PCDH11Y: variants seen among roughly 807,000 people sequenced by gnomAD.
PCDH11Y encodes protocadherin-11 Y-linked.
For missense variants in PCDH11Y, 12 were observed against 224.8 expected, an observed-to-expected ratio of 0.05 and a Z score of 6.05; for synonymous variants, 9 against 83.6, an observed-to-expected ratio of 0.11 and a Z score of 4.87.
intron 2 of PCDH11Y, among the ~76,000 whole-genome samples, chrY:5,453,113 C>A: frequency 3.0e-5 from 1 of 33,084 alleles, no homozygotes; most frequent in African/African-American, 1.2e-4. Context: ...GAAGGCATCA[C>A]CTTACCTGAC....
intron 2 of PCDH11Y, among the ~76,000 whole-genome samples, chrY:5,381,077 C>G: frequency 3.1e-5 from 1 of 32,274 alleles, no homozygotes; most frequent in African/African-American, 1.2e-4. Flanking sequence ...AGGGCCTCCC[C>G]TGTGACATTT....
At chrY:5,132,638 T>C in intron 2 of PCDH11Y, among the ~76,000 whole-genome samples, 1 of 32,554 alleles carries the variant, frequency 3.1e-5, no homozygotes, top group Non-Finnish European at 7.6e-5. Context: ...TCCTTTTGTT[T>C]GTTGATTGGT....
intron 2 of PCDH11Y, among the ~76,000 whole-genome samples, chrY:5,252,196 GTAGT>G (rs2053004887): frequency 3.8e-5 from 1 of 26,279 alleles, no homozygotes; most frequent in Non-Finnish European, 8.9e-5. Flanking sequence ...ATTATGCTTA[GTAGT>G]TAGTCCATGC....
At chrY:5,307,005 G>A in intron 2 of PCDH11Y, among the ~76,000 whole-genome samples, 1 of 33,096 alleles carries the variant, frequency 3.0e-5, no homozygotes, top group Admixed American at 2.8e-4. Flanking sequence ...TAGTGTGATA[G>A]GTTTTGCTCT....
At chrY:5,351,611 C>G (rs2124670300) in intron 2 of PCDH11Y, among the ~76,000 whole-genome samples, 1 of 30,049 alleles carries the variant, frequency 3.3e-5, no homozygotes, top group East Asian at 8.6e-4. Flanking sequence ...TCTTAATGAG[C>G]ATATCTAGTG....
intron 4 of PCDH11Y, among the ~76,000 whole-genome samples, chrY:5,624,173 T>G: frequency 3.1e-5 from 1 of 32,296 alleles, no homozygotes; most frequent in Non-Finnish European, 7.6e-5. Context: ...CAGCTTTTGC[T>G]CAATTAGTAT....
chrY:5,127,188 G>GTTT (rs2052826453), intron 2 of PCDH11Y, among the ~76,000 whole-genome samples: 1 of 30,686 alleles, frequency 3.3e-5, no homozygotes, highest in Non-Finnish European at 7.8e-5. Context: ...CTTTTTTGTT[G>GTTT]TTTATTATTA....
At chrY:5,389,046 G>T in intron 2 of PCDH11Y, among the ~76,000 whole-genome samples, 1 of 33,498 alleles carries the variant, frequency 3.0e-5, no homozygotes, top group East Asian at 7.9e-4. Flanking sequence ...ATAATGAGCT[G>T]ATTCTCTTTT....
At chrY:5,133,340 C>G in intron 2 of PCDH11Y, among the ~76,000 whole-genome samples, 1 of 30,640 alleles carries the variant, frequency 3.3e-5, no homozygotes, top group East Asian at 8.6e-4. Context: ...TAGTTCTATT[C>G]CCCTGTTATT....
At chrY:5,694,434 A>T (rs2053570255) in intron 4 of PCDH11Y, among the ~76,000 whole-genome samples, 1 of 32,610 alleles carries the variant, frequency 3.1e-5, no homozygotes, top group Non-Finnish European at 7.6e-5. Flanking sequence ...CATCTATGCC[A>T]ATCTGGTATT....
intron 4 of PCDH11Y, among the ~76,000 whole-genome samples, chrY:5,596,388 G>A: frequency 1.5e-4 from 5 of 32,388 alleles, no homozygotes. Context: ...GTGATGCAAC[G>A]AATTTATAAA....
At chrY:5,049,643 C>T (rs2124626691) in intron 3 of PCDH11Y, among the ~76,000 whole-genome samples, 1 of 29,136 alleles carries the variant, frequency 3.4e-5, no homozygotes, top group South Asian at 8.3e-4. Flanking sequence ...TCACTGCAAG[C>T]TCCGCCTCCC....
At chrY:5,407,688 C>T (rs1602920790) in intron 2 of PCDH11Y, among the ~76,000 whole-genome samples, 59 of 31,794 alleles carry the variant, frequency 1.9e-3, no homozygotes, top group South Asian at 6.4e-3. Flanking sequence ...CCAAGGCGGG[C>T]AGATCATGAG....
intron 1 of PCDH11Y, among the ~76,000 whole-genome samples, chrY:5,092,478 A>G: frequency 3.0e-5 from 1 of 33,284 alleles, no homozygotes; most frequent in Non-Finnish European, 7.5e-5. Context: ...TCTAAAAGGC[A>G]CCACAGTATT....
chrY:5,317,014 G>A (rs2053108203), intron 2 of PCDH11Y, among the ~76,000 whole-genome samples: 22 of 32,642 alleles, frequency 6.7e-4, no homozygotes, highest in African/African-American at 2.6e-3. Context: ...AACAGCCTCA[G>A]GAGGTCCTCA....
intron 2 of PCDH11Y, among the ~76,000 whole-genome samples, chrY:5,285,442 T>C (rs1325529275): frequency 0.026 from 856 of 33,414 alleles, no homozygotes; most frequent in Middle Eastern, 0.19. Flanking sequence ...CTGGGTTAAA[T>C]GGTAATTTTG....
chrY:5,634,086 C>T (rs1602954650), intron 4 of PCDH11Y, among the ~76,000 whole-genome samples: 1 of 27,886 alleles, frequency 3.6e-5, no homozygotes, highest in East Asian at 9.4e-4. Flanking sequence ...TCGTGGCGGG[C>T]GCCTGTAGTC....
At chrY:5,208,804 T>A in intron 2 of PCDH11Y, among the ~76,000 whole-genome samples, 2 of 33,749 alleles carry the variant, frequency 5.9e-5, no homozygotes, top group African/African-American at 1.1e-4. Flanking sequence ...TTCACTTTTT[T>A]AATAAATATT....
At chrY:5,454,807 C>A in intron 2 of PCDH11Y, among the ~76,000 whole-genome samples, 1 of 33,421 alleles carries the variant, frequency 3.0e-5, no homozygotes, top group Non-Finnish European at 7.4e-5. Context: ...CTGGTCCTGG[C>A]ACACAAAACC....
Sources: gnomAD v4.1 joint callset for allele counts (sites outside exome capture counted in the v4.1 genomes callset) on GRCh38, gnomAD v4.1.1 for gene constraint, MANE v1.5 for transcripts, NCBI Gene and HGNC (gene_info 2026-07-23, HGNC 2026-07-21) for gene names.